The following ADAMTS16 variants were observed in gnomAD, a reference collection of about 807,000 sequenced individuals.
The protein encoded by ADAMTS16 is ADAM metallopeptidase with thrombospondin type 1 motif 16, also known as A disintegrin and metalloproteinase with thrombospondin motifs 16.
Under a neutral mutation model 145.8 loss-of-function variants are expected in ADAMTS16, and 94 were observed. The ratio of observed to expected loss-of-function variants is 0.64; its 90% confidence interval spans 0.55 to 0.77. The LOEUF is 0.77. Among genes scored for constraint, ADAMTS16 ranks in the 30% least tolerant of loss-of-function variants. The pLI is 0.00. For synonymous variants in ADAMTS16, 659 were observed against 604.3 expected, an observed-to-expected ratio of 1.09 and a Z score of -1.33; for missense variants, 1,585 against 1,591.5, an observed-to-expected ratio of 1.00 and a Z score of 0.07.
At chr5:5,284,466 C>T (rs1739038354) in intron 18 of ADAMTS16, among the ~76,000 whole-genome samples, 1 of 152,210 alleles carries the variant, frequency 6.6e-6, no homozygotes, top group Non-Finnish European at 1.5e-5. Context: ...GATCCAGTGG[C>T]CTTGCCAGTC....
chr5:5,242,073 C>A lies in ADAMTS16; in HGVS notation c.2544C>A (p.Asn848Lys). ...LIVELLFQGR[N>K]PGVAWEYSMP... The stretch of plus-strand genomic sequence containing the variant: ...TGTAGCTGCTGTTTCAGGGAAGGAA[C>A]CCGGGTGTTGCCTGGGAATACTCCA... Residue 848 changes from asparagine to lysine, a missense_variant, in exon 17 of 23, where the codon AAC becomes AAA. Physicochemically the swap from Asn to Lys is moderately conservative, Grantham distance 94. Coordinates refer to ENST00000274181, the MANE Select transcript of ADAMTS16 (RefSeq NM_139056.4). 1.2e-6 allele frequency: 2 copies of A among 1,614,108 alleles called. No homozygotes were observed. Among genetic ancestry groups the A allele is most frequent in the Non-Finnish European group, 1.7e-6 (2 of 1,180,012 alleles).
Position 5,140,340 on chromosome 5 carries a change from C to G in ADAMTS16, c.-128C>G. 3.1e-6 allele frequency: 3 copies of G among 973,036 alleles called. No individual in the cohort carries two copies. The highest frequency in any genetic ancestry group is 4.2e-6 in the Non-Finnish European group (3 of 710,790). The allele number at this position is 973,036 out of a possible 1,614,324, so 60.3% of individuals were successfully genotyped here. On this transcript the variant is annotated 5_prime_UTR_variant, in exon 1 of 23. Coordinates refer to ENST00000274181, the MANE Select transcript of ADAMTS16 (RefSeq NM_139056.4). ...GCCGCACGGAGCTTCAGTAATAACC[C>G]CGGCGCGGCGGCGGAGTCGCTGTGG...
intron 9 of ADAMTS16, among the ~76,000 whole-genome samples, chr5:5,206,493 T>C (rs1380361094): frequency 1.3e-5 from 2 of 151,450 alleles, no homozygotes; most frequent in East Asian, 3.9e-4. Context: ...TTTATTTTAT[T>C]TTTTGAAATG....
At chr5:5,202,474 G>A (rs1256553897) in intron 9 of ADAMTS16, among the ~76,000 whole-genome samples, 1 of 152,118 alleles carries the variant, frequency 6.6e-6, no homozygotes, top group Admixed American at 6.5e-5. Flanking sequence ...TCCCTGCATG[G>A]TATTCTCAGA....
In ADAMTS16 at chr5:5,174,706, C is replaced by G. The variant is rs188207880; in HGVS notation, c.502-7338C>G. ...TCTTCAAGCTCATTAACTCTTTCTT[C>G]TGCTTCATAAATTCTGCTATTAAGA... On this transcript the variant is annotated intron_variant, in intron 3 of 22. Transcript: ENST00000274181. Among the ~76,000 whole-genome samples, 852 of 152,300 alleles carry G rather than the reference C, an allele frequency of 5.6e-3. 8 individuals are homozygous for G. Among genetic ancestry groups the G allele is most frequent in the Middle Eastern group, 0.01 (3 of 294 alleles).
At chr5:5,209,277 A>C (rs574985055) in intron 10 of ADAMTS16, 31 bp downstream of exon 10, 1 of 1,610,026 alleles carries the variant, frequency 6.2e-7, no homozygotes, top group South Asian at 1.1e-5. Flanking sequence ...GCTCAATGCA[A>C]CATGATTCAT....
chr5:5,221,352 C>T (rs1444850299), intron 10 of ADAMTS16, among the ~76,000 whole-genome samples: 2 of 152,004 alleles, frequency 1.3e-5, no homozygotes, highest in Non-Finnish European at 2.9e-5. Flanking sequence ...AGAACATACC[C>T]GGGTGCTCGC....
chr5:5,272,337 T>C (rs1351194196), intron 18 of ADAMTS16, among the ~76,000 whole-genome samples: 1 of 151,288 alleles, frequency 6.6e-6, no homozygotes, highest in Non-Finnish European at 1.5e-5. Context: ...TTCTCGGCTG[T>C]TGCTGATATG....
chr5:5,194,923 C>A (rs2126582781), intron 8 of ADAMTS16, among the ~76,000 whole-genome samples: 1 of 152,278 alleles, frequency 6.6e-6, no homozygotes, highest in African/African-American at 2.4e-5. Flanking sequence ...GTTCTGTTTA[C>A]ATTCGGAGGA....
At chr5:5,195,676 T>C (rs1008179089) in intron 8 of ADAMTS16, among the ~76,000 whole-genome samples, 8 of 152,176 alleles carry the variant, frequency 5.3e-5, no homozygotes, top group African/African-American at 1.7e-4. Context: ...AAAACAAATA[T>C]ATTAACTGTG....
intron 4 of ADAMTS16, 107 bp downstream of exon 4, chr5:5,182,412 C>T: frequency 7.1e-7 from 1 of 1,417,908 alleles, no homozygotes. Flanking sequence ...GGGGTGAAAT[C>T]TATGGACTGT....
Position 5,226,314 on chromosome 5 carries a change from A to G in ADAMTS16, c.1701+3430A>G, listed in dbSNP as rs550201445. ...TGGAAGGCAAAGGAGAAGCAAAGTC[A>G]TACCTTACATGGTGGCAGGCAAGAG... On this transcript the variant is annotated intron_variant, in intron 11 of 22. Transcript: ENST00000274181. Among the ~76,000 whole-genome samples, 7 of 152,304 alleles carry G rather than the reference A, an allele frequency of 4.6e-5. No homozygotes were observed. The South Asian group carries it at 1.2e-3, about 27-fold the overall frequency.
At chr5:5,213,096 G>A (rs1168085878) in intron 10 of ADAMTS16, among the ~76,000 whole-genome samples, 1 of 152,144 alleles carries the variant, frequency 6.6e-6, no homozygotes, top group East Asian at 1.9e-4. Flanking sequence ...CACTATCATT[G>A]ACATATATTT....
chr5:5,248,851 A>G (rs1170701587), intron 17 of ADAMTS16, among the ~76,000 whole-genome samples: 1 of 152,256 alleles, frequency 6.6e-6, no homozygotes, highest in Non-Finnish European at 1.5e-5. Context: ...GAATTAGTCA[A>G]TGGAATAAAC....
intron 3 of ADAMTS16, among the ~76,000 whole-genome samples, chr5:5,148,689 AG>A (rs1486043692): frequency 6.6e-5 from 10 of 152,224 alleles, no homozygotes; most frequent in African/African-American, 2.4e-4. Context: ...TAAAGAAGAA[AG>A]GAAAAACTAA....
At chr5:5,305,377 A>C (rs1308150316) in intron 20 of ADAMTS16, among the ~76,000 whole-genome samples, 1 of 88,110 alleles carries the variant, frequency 1.1e-5, no homozygotes, top group African/African-American at 4.4e-5. Context: ...CCCACACCAC[A>C]CACACACAAT....
chr5:5,266,291 G>A (rs563673718), intron 18 of ADAMTS16, among the ~76,000 whole-genome samples: 1 of 152,210 alleles, frequency 6.6e-6, no homozygotes, highest in African/African-American at 2.4e-5. Flanking sequence ...TGTGCTTTGA[G>A]GTATCACATA....
At chr5:5,231,181 C>A (rs1039781389) in intron 11 of ADAMTS16, among the ~76,000 whole-genome samples, 1 of 152,044 alleles carries the variant, frequency 6.6e-6, no homozygotes. Flanking sequence ...TGTTCTACAC[C>A]GGGTGGGAGG....
chr5:5,285,723 A>G (rs568368348), intron 18 of ADAMTS16, among the ~76,000 whole-genome samples: 2 of 152,322 alleles, frequency 1.3e-5, no homozygotes, highest in East Asian at 3.9e-4. Context: ...GACTTGCAAT[A>G]GATGTTGATT....
Sources: allele counts gnomAD v4.1 joint callset (sites outside exome capture counted in the v4.1 genomes callset), GRCh38; gene constraint gnomAD v4.1.1; transcripts MANE v1.5; gene names NCBI Gene and HGNC (gene_info 2026-07-23, HGNC 2026-07-21).